UBE3C: variants seen among roughly 807,000 people sequenced by gnomAD.
UBE3C encodes the protein ubiquitin protein ligase E3C, also known as ubiquitin-protein ligase E3C.
A neutral mutation model predicts 129.4 loss-of-function variants in UBE3C; 42 were observed. That is an observed-to-expected ratio of 0.32 (90% CI 0.25 to 0.42). The LOEUF (loss-of-function observed/expected upper bound fraction) is 0.42, where lower values mean the gene tolerates loss of function less well. UBE3C is among the 10% of genes least tolerant of loss of function. The pLI, the probability that UBE3C is intolerant of heterozygous loss-of-function variation, is 1.00. For synonymous variants in UBE3C, 510 were observed against 492.4 expected, an observed-to-expected ratio of 1.04 and a Z score of -0.47; for missense variants, 1,049 against 1,319.1, an observed-to-expected ratio of 0.80 and a Z score of 3.17.
At chr7:157,156,226 A>G (rs931329970) in intron 1 of UBE3C, among the ~76,000 whole-genome samples, 2 of 151,148 alleles carry the variant, frequency 1.3e-5, no homozygotes, top group Non-Finnish European at 2.9e-5. Context: ...TACATGGGTG[A>G]TCATTCAGAT....
chr7:157,233,078 C>G (rs1584807463), intron 18 of UBE3C, among the ~76,000 whole-genome samples: 2 of 151,782 alleles, frequency 1.3e-5, no homozygotes, highest in South Asian at 4.2e-4. Context: ...TGGCCAACCA[C>G]TAGTCTACTT....
At chr7:157,236,612 T>C (rs1294313120) in intron 18 of UBE3C, among the ~76,000 whole-genome samples, 1 of 152,232 alleles carries the variant, frequency 6.6e-6, no homozygotes, top group African/African-American at 2.4e-5. Flanking sequence ...AAATGCTCAC[T>C]GAATTTGCTG....
chr7:157,165,181 T>G (rs2116867938), intron 2 of UBE3C, among the ~76,000 whole-genome samples: 1 of 152,238 alleles, frequency 6.6e-6, no homozygotes, highest in South Asian at 2.1e-4. Context: ...TTATGGAAAA[T>G]TCTCGGCCAT....
chr7:157,175,980 G>A (rs1429476927), intron 5 of UBE3C, among the ~76,000 whole-genome samples: 2 of 152,094 alleles, frequency 1.3e-5, no homozygotes, highest in African/African-American at 4.8e-5. Context: ...TAAAAATAAA[G>A]GAATCATGCT....
intron 18 of UBE3C, among the ~76,000 whole-genome samples, chr7:157,238,863 A>C (rs1796221072): frequency 6.6e-6 from 1 of 152,206 alleles, no homozygotes; most frequent in Non-Finnish European, 1.5e-5. Context: ...GGAAGGGAGA[A>C]AACCAGAGAA....
At chr7:157,189,690 G>C (rs1808901708) in intron 10 of UBE3C, among the ~76,000 whole-genome samples, 1 of 152,162 alleles carries the variant, frequency 6.6e-6, no homozygotes, top group Non-Finnish European at 1.5e-5. Flanking sequence ...TTCTTTCATA[G>C]ATACCATATT....
rs1028197555 is a variant in UBE3C, at chr7:157,215,520, C to G, written c.1810-1347C>G. Among the ~76,000 whole-genome samples the G allele has an allele frequency of 2.7e-5, 4 of 146,218 alleles. No individual in the cohort carries two copies. In the Admixed American group the frequency reaches 2.8e-4, roughly 10 times the overall value. ...ATAGTATATATTATACAATTTATAA[C>G]TATAATATAAATTATATAAATTAGT... is the stretch of plus-strand genomic sequence containing the variant. On this transcript the variant is annotated intron_variant, in intron 13 of 22. Transcript: ENST00000348165.
chr7:157,234,326 A>T (rs1230330433), intron 18 of UBE3C, among the ~76,000 whole-genome samples: 11 of 151,944 alleles, frequency 7.2e-5, no homozygotes, highest in Non-Finnish European at 1.5e-4. Flanking sequence ...TTGGTCTTTG[A>T]TCCTTTTTGA....
At chr7:157,219,702 C>G (rs1795685568) in intron 14 of UBE3C, among the ~76,000 whole-genome samples, 1 of 152,112 alleles carries the variant, frequency 6.6e-6, no homozygotes, top group South Asian at 2.1e-4. Context: ...AGTTCGAGAC[C>G]ACCCTGGCCA....
At chr7:157,182,083 A>G (rs1279172217) in intron 7 of UBE3C, 25 bp from the exon 8 acceptor site, 2 of 1,534,668 alleles carry the variant, frequency 1.3e-6, no homozygotes, top group East Asian at 4.5e-5. Context: ...TGATTTTATA[A>G]AAAGCTTCTG....
intron 16 of UBE3C, among the ~76,000 whole-genome samples, chr7:157,224,055 C>T (rs1034070784): frequency 4.0e-5 from 6 of 151,862 alleles, no homozygotes; most frequent in African/African-American, 1.5e-4. Context: ...GTCACCTGGG[C>T]TAGAAAGCAG....
intron 10 of UBE3C, 83 bp from the exon 11 acceptor site, chr7:157,201,637 CT>C (rs10713758): frequency 0.053 from 11,815 of 222,598 alleles, 50 homozygotes; most frequent in African/African-American, 0.086. Context: ...CAGTGTATCG[CT>C]TTTTTTTTTT....
intron 10 of UBE3C, among the ~76,000 whole-genome samples, chr7:157,195,595 G>T (rs747242967): frequency 1.3e-5 from 2 of 152,162 alleles, no homozygotes; most frequent in Non-Finnish European, 2.9e-5. Context: ...CTGTATGCCT[G>T]TCACACCATC....
At chr7:157,243,539 G>A (rs758702707) in intron 18 of UBE3C, among the ~76,000 whole-genome samples, 20 of 152,202 alleles carry the variant, frequency 1.3e-4, no homozygotes, top group Non-Finnish European at 2.8e-4. Flanking sequence ...ACCTGCCAGT[G>A]GAGTATTAGA....
At position 157,223,359 on chromosome 7, in the gene UBE3C, A is replaced by G. The variant is rs747153281; in HGVS notation, c.2100+8A>G. 3.7e-6 allele frequency: 6 copies of G among 1,606,320 alleles called. No individual in the cohort carries two copies. The highest frequency in any genetic ancestry group is 1.7e-5 in the Admixed American group (1 of 58,286). On this transcript the variant is annotated splice_region_variant and intron_variant, in intron 16 of 22. Transcript: ENST00000348165. ...TTTGAGGAACGAGTAAAGGTATGCA[A>G]TTTGGCTTCTTTATTGTCACTACGT...
chr7:157,185,934 C>G (rs1260017783), intron 9 of UBE3C, among the ~76,000 whole-genome samples: 1 of 151,946 alleles, frequency 6.6e-6, no homozygotes, highest in African/African-American at 2.4e-5. Flanking sequence ...ATACAGTCAG[C>G]AATACCCAAT....
Position 157,213,317 on chromosome 7 carries a change from A to T in UBE3C, c.1810-3550A>T, listed in dbSNP as rs116051096. ...CCACACTGGTTCTCAAGTCGTAACT[A>T]CCTATCAGAGTCATCTGGGGGAGCA... On this transcript the variant is annotated intron_variant, in intron 13 of 22. Coordinates refer to ENST00000348165, the MANE Select transcript of UBE3C (RefSeq NM_014671.3). Among the ~76,000 whole-genome samples the T allele has an allele frequency of 3.0e-3, 453 of 152,334 alleles. 7 individuals are homozygous for T. The highest frequency in any genetic ancestry group is 0.011 in the African/African-American group (439 of 41,576).
chr7:157,218,025 G>GA (rs891844338), intron 14 of UBE3C, among the ~76,000 whole-genome samples: 3 of 150,334 alleles, frequency 2.0e-5, no homozygotes, highest in South Asian at 2.1e-4. Flanking sequence ...TCTGTCTCCA[G>GA]AAAAAACAAA....
Position 157,170,388 on chromosome 7 carries a change from C to T in UBE3C, c.280C>T (p.Leu94Phe). Residue 94 changes from leucine to phenylalanine, a missense_variant, in exon 4 of 23, where the codon CTT (leucine) becomes TTT (phenylalanine). By Grantham distance (22) the Leu-to-Phe change is conservative. Coordinates refer to ENST00000348165, the MANE Select transcript of UBE3C (RefSeq NM_014671.3). ...TTTTCCCATTGCTAATGGCCCCAAC[C>T]TTACCCTTTTGGTAAGGCAGCTTCT... is the stretch of plus-strand genomic sequence containing the variant. ...GAFPIANGPN[L>F]TLLVRQLLFF... 1.3e-6 allele frequency: 2 copies of T among 1,577,248 alleles called. No homozygotes were observed. Among genetic ancestry groups the T allele is most frequent in the Non-Finnish European group, 1.7e-6 (2 of 1,163,842 alleles).
Sources: gnomAD v4.1 joint callset for allele counts (sites outside exome capture counted in the v4.1 genomes callset) on GRCh38, gnomAD v4.1.1 for gene constraint, MANE v1.5 for transcripts, NCBI Gene and HGNC (gene_info 2026-07-23, HGNC 2026-07-21) for gene names.